LYRM4: variants seen among roughly 807,000 people sequenced by gnomAD.
LYRM4 encodes the protein LYR motif containing 4.
LYRM4 carries 9 observed loss-of-function variants against 11.7 expected under a neutral mutation model. The ratio of observed to expected loss-of-function variants is 0.77; its 90% CI spans 0.46 to 1.34. The LOEUF (loss-of-function observed/expected upper bound fraction) is 1.34, where lower values mean the gene tolerates loss of function less well. LYRM4 is among the 40% of genes most tolerant of loss of function. LYRM4 has a pLI of 0.00. For synonymous variants in LYRM4, 42 were observed against 40.4 expected (o/e 1.04, Z -0.15); for missense variants, 133 against 112.5 (o/e 1.18, Z -0.82).
intron 1 of LYRM4, among the ~76,000 whole-genome samples, chr6:5,238,804 T>C (rs550945030): frequency 6.6e-6 from 1 of 152,218 alleles, no homozygotes; most frequent in African/African-American, 2.4e-5. Flanking sequence ...ACCTGAATTT[T>C]ATAAGCAAAT....
intron 2 of LYRM4, among the ~76,000 whole-genome samples, chr6:5,164,278 G>A (rs1438058774): frequency 2.0e-5 from 3 of 152,032 alleles, no homozygotes; most frequent in African/African-American, 7.3e-5. Flanking sequence ...AGTTCACATT[G>A]GCACTATTCA....
At chr6:5,233,807 A>G (rs1391333790) in intron 1 of LYRM4, among the ~76,000 whole-genome samples, 2 of 152,240 alleles carry the variant, frequency 1.3e-5, no homozygotes, top group Non-Finnish European at 2.9e-5. Flanking sequence ...TGTGAGTTCC[A>G]TTAGTTACAA....
At chr6:5,081,146 G>GCA in the LYRM4 span, among the ~76,000 whole-genome samples, 115,860 of 130,640 alleles carry the variant, frequency 0.89, 52,558 homozygotes, top group East Asian at 0.97. Context: ...GGGGGGGGGG[G>GCA]GGGGTAGACT....
intron 1 of LYRM4, 107 bp from the exon 2 acceptor site, chr6:5,216,845 C>A: frequency 7.5e-7 from 1 of 1,332,654 alleles, no homozygotes; most frequent in South Asian, 1.5e-5. Flanking sequence ...TTAATCTTCC[C>A]CTACGGATAA....
intron 2 of LYRM4, among the ~76,000 whole-genome samples, chr6:5,152,647 C>G (rs986929401): frequency 6.6e-6 from 1 of 152,198 alleles, no homozygotes; most frequent in African/African-American, 2.4e-5. Context: ...TTACAAAGGT[C>G]TGCTTTACTC....
chr6:5,085,598 G>A, the LYRM4 span: 8 of 1,546,530 alleles, frequency 5.2e-6, no homozygotes, highest in African/African-American at 1.4e-5. Flanking sequence ...GTGCAGGGTG[G>A]CGGCGACGGC....
chr6:5,098,141 G>A, the LYRM4 span, among the ~76,000 whole-genome samples: 8 of 152,078 alleles, frequency 5.3e-5, no homozygotes, highest in Admixed American at 4.6e-4. Flanking sequence ...TAATTTATAC[G>A]GACAACTCCA....
chr6:5,204,068 C>G (rs1229354607), intron 2 of LYRM4, among the ~76,000 whole-genome samples: 1 of 152,182 alleles, frequency 6.6e-6, no homozygotes, highest in Admixed American at 6.5e-5. Context: ...GCCTATTTTA[C>G]AGAAGAGAAA....
At chr6:5,233,188 G>A (rs1165966088) in intron 1 of LYRM4, among the ~76,000 whole-genome samples, 1 of 152,110 alleles carries the variant, frequency 6.6e-6, no homozygotes, top group Non-Finnish European at 1.5e-5. Context: ...CATGATCAAT[G>A]GCAGGCAAAA....
At chr6:5,058,749 C>T in the LYRM4 span, among the ~76,000 whole-genome samples, 1 of 152,154 alleles carries the variant, frequency 6.6e-6, no homozygotes, top group Admixed American at 6.5e-5. Context: ...TTTTACAGCC[C>T]TGTGTCTCCC....
the LYRM4 span, among the ~76,000 whole-genome samples, chr6:5,037,009 A>ATTTTATTTT: frequency 3.5e-5 from 1 of 28,722 alleles, no homozygotes; most frequent in African/African-American, 1.3e-4. Context: ...TTTAGCTTGT[A>ATTTTATTTT]TTTTTTTTTT....
chr6:5,226,433 G>A (rs934591291), intron 1 of LYRM4, among the ~76,000 whole-genome samples: 1 of 152,166 alleles, frequency 6.6e-6, no homozygotes, highest in African/African-American at 2.4e-5. Flanking sequence ...TGCCCAGGCT[G>A]GAGTGCAATG....
rs1759803173 is a variant in LYRM4 at position 5,177,730 on chromosome 6, T to C, written c.207+38888A>G. 2.6e-5 allele frequency among the ~76,000 whole-genome samples: 4 copies of C among 152,212 alleles called. No homozygotes were observed. In the South Asian group the frequency reaches 8.3e-4, roughly 32 times the overall value. ...CAAGATGCTGTGACTTGTTATCTTC[T>C]CTGAAGAGTTTGAGGGGCTCGAGGA... On this transcript the variant is annotated intron_variant, in intron 2 of 2. Coordinates refer to ENST00000330636, the MANE Select transcript of LYRM4 (RefSeq NM_020408.6).
At chr6:5,200,914 C>A (rs1420206193) in intron 2 of LYRM4, among the ~76,000 whole-genome samples, 1 of 152,126 alleles carries the variant, frequency 6.6e-6, no homozygotes, top group African/African-American at 2.4e-5. Flanking sequence ...CCCTCAGAGC[C>A]AGAAAGCCTT....
At chr6:5,191,565 T>C in intron 2 of LYRM4, among the ~76,000 whole-genome samples, 1 of 152,170 alleles carries the variant, frequency 6.6e-6, no homozygotes, top group East Asian at 1.9e-4. Context: ...TACCTGTCTG[T>C]AATTTAGGAC....
chr6:5,145,994 C>A (rs909873946), intron 2 of LYRM4, among the ~76,000 whole-genome samples: 1 of 152,200 alleles, frequency 6.6e-6, no homozygotes, highest in Admixed American at 6.5e-5. Flanking sequence ...ATCAACTCTG[C>A]AATTAATTTT....
downstream of LYRM4, chr6:5,107,399 A>AATT (rs1184016189): frequency 3.9e-5 from 6 of 152,212 alleles, no homozygotes; most frequent in East Asian, 1.2e-3. Flanking sequence ...CAGTTGCTTA[A>AATT]ATTAAGTATA....
intron 1 of LYRM4, among the ~76,000 whole-genome samples, chr6:5,223,906 TC>T (rs1762730323): frequency 2.0e-5 from 3 of 152,186 alleles, no homozygotes; most frequent in Admixed American, 1.3e-4. Flanking sequence ...CTAATGGTTT[TC>T]CATTATCTTG....
chr6:5,037,736 G>C, the LYRM4 span, among the ~76,000 whole-genome samples: 1 of 48,590 alleles, frequency 2.1e-5, no homozygotes, highest in Non-Finnish European at 5.1e-5. Flanking sequence ...CGGGCAGAGG[G>C]GCTCCTCACT....
Sources: gnomAD v4.1 joint callset for allele counts (sites outside exome capture counted in the v4.1 genomes callset) on GRCh38, gnomAD v4.1.1 for gene constraint, MANE v1.5 for transcripts, NCBI Gene and HGNC (gene_info 2026-07-23, HGNC 2026-07-21) for gene names.